Variants in PUS7 observed in about 807,000 individuals in gnomAD.
PUS7 encodes pseudouridylate synthase 7 homolog.
A neutral mutation model predicts 79.8 loss-of-function variants in PUS7; 48 were observed. The observed-to-expected ratio is 0.60, with a 90% confidence interval of 0.48 to 0.76. PUS7 has a LOEUF of 0.76. Ranked by LOEUF, PUS7 falls within the 30% of genes least tolerant of loss-of-function variation. The pLI is 0.00. For synonymous variants in PUS7, 286 were observed against 272.2 expected (o/e 1.05, Z -0.50); for missense variants, 729 against 797.6 (o/e 0.91, Z 1.04).
Position 105,482,911 on chromosome 7 carries a change from A to C in PUS7, c.921-471T>G, listed in dbSNP as rs139130325. 3.7e-3 allele frequency among the ~76,000 whole-genome samples: 562 copies of C among 152,226 alleles called. 5 individuals are homozygous for C. Among genetic ancestry groups the C allele is most frequent in the African/African-American group, 0.013 (528 of 41,540 alleles). On this transcript the variant is annotated intron_variant, in intron 7 of 15. Transcript: ENST00000469408. Reference sequence around the variant, plus strand: ...ATATAAAAAAGAGAAAAGGAAAAGAAATTCATATTTTCATTGCCTGAAAAA... The same window carrying C: ...ATATAAAAAAGAGAAAAGGAAAAGACATTCATATTTTCATTGCCTGAAAAA...
rs898987704 is a variant in PUS7, at chr7:105,491,529, T to A, written c.920+11A>T. The A allele has an allele frequency of 1.3e-6, 2 of 1,536,386 alleles. No individual in the cohort carries two copies. Among genetic ancestry groups the A allele is most frequent in the Non-Finnish European group, 1.8e-6 (2 of 1,115,218 alleles). ...TTACAGTATAAATCCTGTTACGTGC[T>A]CTCTACTTACTTGAGAACAGCAATT... On this transcript the variant is annotated intron_variant, in intron 7 of 15. Transcript: ENST00000469408.
chr7:105,513,429 C>T (rs1825772520), intron 1 of PUS7, among the ~76,000 whole-genome samples: 1 of 152,226 alleles, frequency 6.6e-6, no homozygotes, highest in South Asian at 2.1e-4. Context: ...GGTGACTTAA[C>T]CTCTCGAATC....
chr7:105,513,148 G>A (rs1006292655), intron 1 of PUS7, among the ~76,000 whole-genome samples: 9 of 152,260 alleles, frequency 5.9e-5, no homozygotes, highest in Non-Finnish European at 1.2e-4. Flanking sequence ...TGTCACACAT[G>A]CCCTTACCAA....
intron 1 of PUS7, among the ~76,000 whole-genome samples, chr7:105,520,152 C>G (rs547895269): frequency 1.3e-5 from 2 of 152,066 alleles, no homozygotes; most frequent in East Asian, 3.8e-4. Context: ...GGTGAAACCC[C>G]GTCTCTACTA....
At chr7:105,501,058 C>T (rs992947617) in intron 5 of PUS7, among the ~76,000 whole-genome samples, 3 of 152,186 alleles carry the variant, frequency 2.0e-5, no homozygotes, top group Admixed American at 2.0e-4. Context: ...ATAGCACTAT[C>T]CAGACTTGCT....
At chr7:105,479,729 G>A (rs959317741) in intron 9 of PUS7, among the ~76,000 whole-genome samples, 2 of 152,052 alleles carry the variant, frequency 1.3e-5, no homozygotes, top group African/African-American at 4.8e-5. Context: ...CAGGCACAGT[G>A]GCTCATGCCT....
At chr7:105,486,559 A>T (rs1298034462) in intron 7 of PUS7, among the ~76,000 whole-genome samples, 1 of 152,098 alleles carries the variant, frequency 6.6e-6, no homozygotes. Context: ...GGAATCTAGA[A>T]GCGGAGGATC....
intron 12 of PUS7, among the ~76,000 whole-genome samples, chr7:105,467,034 GTTTT>G (rs56177512): frequency 4.1e-4 from 29 of 70,692 alleles, no homozygotes; most frequent in African/African-American, 1.2e-3. Context: ...AGTTTTTTCT[GTTTT>G]TTTTTTTTTT....
chr7:105,515,638 AT>A (rs965392707), intron 1 of PUS7, among the ~76,000 whole-genome samples: 6 of 151,066 alleles, frequency 4.0e-5, no homozygotes, highest in Non-Finnish European at 7.4e-5. Flanking sequence ...AGACAAATTA[AT>A]TTTTTTTTGA....
At chr7:105,489,095 G>A (rs760526055) in intron 7 of PUS7, among the ~76,000 whole-genome samples, 3 of 142,270 alleles carry the variant, frequency 2.1e-5, no homozygotes, top group Non-Finnish European at 4.5e-5. Flanking sequence ...TTGCAGTGAG[G>A]TGAGATCCCA....
intron 1 of PUS7, among the ~76,000 whole-genome samples, chr7:105,516,995 T>C (rs566910090): frequency 6.6e-6 from 1 of 152,192 alleles, no homozygotes; most frequent in Admixed American, 6.6e-5. Flanking sequence ...TTTTGACATA[T>C]TTAAAAGAAA....
chr7:105,520,150 C>T (rs2133310830), intron 1 of PUS7, among the ~76,000 whole-genome samples: 1 of 152,204 alleles, frequency 6.6e-6, no homozygotes, highest in East Asian at 1.9e-4. Flanking sequence ...ATGGTGAAAC[C>T]CCGTCTCTAC....
At chr7:105,473,185 C>T (rs535482771) in intron 9 of PUS7, among the ~76,000 whole-genome samples, 11 of 151,448 alleles carry the variant, frequency 7.3e-5, no homozygotes, top group Non-Finnish European at 1.3e-4. Context: ...ATACGATTTA[C>T]TCTTATCATT....
At chr7:105,494,401 G>GTTT (rs1354064380) in intron 6 of PUS7, among the ~76,000 whole-genome samples, 1 of 123,150 alleles carries the variant, frequency 8.1e-6, no homozygotes, top group Non-Finnish European at 1.7e-5. Flanking sequence ...CATGATCAGT[G>GTTT]ATTTTTTTTT....
Position 105,502,991 on chromosome 7 carries a change from T to A in PUS7, c.586-427A>T, listed in dbSNP as rs187809898. Among the ~76,000 whole-genome samples the A allele has an allele frequency of 3.9e-5, 6 of 152,322 alleles. No homozygotes were observed. The East Asian group carries it at 1.2e-3, about 29-fold the overall frequency. On this transcript the variant is annotated intron_variant, in intron 4 of 15. Transcript: ENST00000469408. ...CTGAGATTACAGGCGTGAGCCACCG[T>A]GCCCAGTCTCAAAAATATTTCAGAG...
At chr7:105,499,188 T>C (rs1366808875) in intron 5 of PUS7, among the ~76,000 whole-genome samples, 1 of 152,220 alleles carries the variant, frequency 6.6e-6, no homozygotes, top group Non-Finnish European at 1.5e-5. Flanking sequence ...AGAGTAATTA[T>C]CTTGCTGGAC....
At chr7:105,487,500 G>T (rs1187778909) in intron 7 of PUS7, among the ~76,000 whole-genome samples, 1 of 152,080 alleles carries the variant, frequency 6.6e-6, no homozygotes, top group Non-Finnish European at 1.5e-5. Flanking sequence ...AATTCCACTG[G>T]CACAGCAAAA....
intron 1 of PUS7, among the ~76,000 whole-genome samples, chr7:105,514,400 C>T (rs1016485701): frequency 4.6e-5 from 7 of 152,006 alleles, no homozygotes; most frequent in Non-Finnish European, 2.9e-5. Flanking sequence ...GTCAAGAGAC[C>T]GAGACCATCC....
intron 3 of PUS7, 38 bp downstream of exon 3, chr7:105,506,151 T>A: frequency 6.3e-7 from 1 of 1,582,412 alleles, no homozygotes; most frequent in Non-Finnish European, 8.6e-7. Flanking sequence ...ATGCTATTTT[T>A]ATACAGAAGG....
Sources: allele counts gnomAD v4.1 joint callset (sites outside exome capture counted in the v4.1 genomes callset), GRCh38; gene constraint gnomAD v4.1.1; transcripts MANE v1.5; gene names NCBI Gene and HGNC (gene_info 2026-07-23, HGNC 2026-07-21).